Variants in DDAH1 observed in about 807,000 individuals in gnomAD.
The protein encoded by DDAH1 is dimethylarginine dimethylaminohydrolase 1.
DDAH1 carries 19 observed loss-of-function variants against 28.8 expected under a neutral mutation model. The observed-to-expected ratio is 0.66, with a 90% CI of 0.46 to 0.97. DDAH1 has a LOEUF of 0.97. Ranked by LOEUF, DDAH1 falls within the 50% of genes least tolerant of loss-of-function variation. DDAH1 has a pLI of 0.00. For synonymous variants in DDAH1, 153 were observed against 154.4 expected (o/e 0.99, Z 0.07); for missense variants, 326 against 375.9 (o/e 0.87, Z 1.10).
chr1:85,569,151 T>C (rs1384138447), intron 1 of DDAH1, among the ~76,000 whole-genome samples: 2 of 152,220 alleles, frequency 1.3e-5, no homozygotes, highest in African/African-American at 4.8e-5. Context: ...AGATCCACAT[T>C]GAAACCAAAG....
intron 2 of DDAH1, among the ~76,000 whole-genome samples, chr1:85,487,149 C>T (rs759168914): frequency 4.3e-4 from 66 of 152,208 alleles, no homozygotes; most frequent in Non-Finnish European, 8.1e-4. Context: ...ATCCTTTTCT[C>T]AGTAGTTGCT....
At chr1:85,458,827 G>A (rs573652736) in intron 1 of DDAH1, among the ~76,000 whole-genome samples, 81 of 152,208 alleles carry the variant, frequency 5.3e-4, no homozygotes, top group African/African-American at 1.9e-3. Flanking sequence ...TTCTGTATAA[G>A]ATATAAATGA....
intron 2 of DDAH1, among the ~76,000 whole-genome samples, chr1:85,478,978 T>C (rs891187929): frequency 5.9e-5 from 9 of 152,170 alleles, no homozygotes; most frequent in Non-Finnish European, 8.8e-5. Flanking sequence ...GTGAAACTAA[T>C]ACATGCTTTA....
chr1:85,534,979 A>C, intron 1 of DDAH1, among the ~76,000 whole-genome samples: 1 of 152,200 alleles, frequency 6.6e-6, no homozygotes, highest in East Asian at 1.9e-4. Context: ...AAAAAGAAGA[A>C]AAGGAGGTGG....
intron 1 of DDAH1, among the ~76,000 whole-genome samples, chr1:85,541,417 C>T (rs538395921): frequency 1.3e-5 from 2 of 152,284 alleles, no homozygotes; most frequent in South Asian, 2.1e-4. Flanking sequence ...TGCTGGAACC[C>T]TAAATATGTC....
At position 85,321,524 on chromosome 1, in the gene DDAH1, C is replaced by T. The variant is rs1397440289; in HGVS notation, c.786G>A (p.Met262Ile). Reference sequence around the variant, plus strand: ...GCCCATCCACCTTTTCCAGTTCAGACATGCTCACGGGGATCAGCATATGGT... The same window carrying T: ...GCCCATCCACCTTTTCCAGTTCAGATATGCTCACGGGGATCAGCATATGGT... ...LKDHMLIPVS[M>I]SELEKVDGLL... The change falls in exon 6 of 6, where the codon ATG becomes ATA. Residue 262 changes from methionine to isoleucine, a missense_variant. Coordinates refer to ENST00000284031, the MANE Select transcript of DDAH1 (RefSeq NM_012137.4). 5 of 1,614,060 alleles carry T rather than the reference C, an allele frequency of 3.1e-6. No individual in the cohort carries two copies. In the African/African-American group the frequency reaches 5.3e-5, roughly 17 times the overall value.
intron 1 of DDAH1, among the ~76,000 whole-genome samples, chr1:85,534,233 C>A (rs1158032809): frequency 6.6e-6 from 1 of 152,174 alleles, no homozygotes. Flanking sequence ...CATCTCACGT[C>A]AGTGCAGTAA....
chr1:85,428,599 T>G (rs1653524167), intron 1 of DDAH1, among the ~76,000 whole-genome samples: 1 of 151,852 alleles, frequency 6.6e-6, no homozygotes, highest in Admixed American at 6.6e-5. Context: ...TTAACAAGGG[T>G]AAGGTTGTTG....
At chr1:85,343,930 A>G (rs1332787826) in intron 4 of DDAH1, among the ~76,000 whole-genome samples, 1 of 152,262 alleles carries the variant, frequency 6.6e-6, no homozygotes, top group Non-Finnish European at 1.5e-5. Context: ...TAGTCATTCA[A>G]AAGAAAAACA....
intron 1 of DDAH1, among the ~76,000 whole-genome samples, chr1:85,402,804 G>A (rs897044585): frequency 1.3e-5 from 2 of 151,766 alleles, no homozygotes; most frequent in African/African-American, 4.8e-5. Flanking sequence ...AGCTACTTGG[G>A]AGGCTGAGAC....
intron 1 of DDAH1, among the ~76,000 whole-genome samples, chr1:85,553,747 G>C (rs1557755672): frequency 6.6e-6 from 1 of 152,200 alleles, no homozygotes; most frequent in African/African-American, 2.4e-5. Context: ...CAGCAATATT[G>C]GTGGTAGTGT....
At chr1:85,479,197 T>C (rs1146389) in intron 2 of DDAH1, among the ~76,000 whole-genome samples, 85,928 of 127,986 alleles carry the variant, frequency 0.67, 30,179 homozygotes, top group African/African-American at 0.88. Flanking sequence ...GACGGAGTCT[T>C]GCTCTGTCGC....
At chr1:85,545,606 G>T (rs1524002) in intron 1 of DDAH1, among the ~76,000 whole-genome samples, 2 of 152,124 alleles carry the variant, frequency 1.3e-5, no homozygotes, top group Non-Finnish European at 2.9e-5. Context: ...GTGTATATGA[G>T]AGGCAAATAT....
chr1:85,558,715 T>C (rs1366095308), intron 1 of DDAH1, among the ~76,000 whole-genome samples: 1 of 152,202 alleles, frequency 6.6e-6, no homozygotes, highest in Non-Finnish European at 1.5e-5. Flanking sequence ...ATATAAGTTA[T>C]ACTAAAATAA....
At chr1:85,426,921 C>CAAAAA (rs10680800) in intron 1 of DDAH1, among the ~76,000 whole-genome samples, 3 of 120,438 alleles carry the variant, frequency 2.5e-5, no homozygotes, top group Non-Finnish European at 3.3e-5. Context: ...TTAAAAAAAA[C>CAAAAA]AAAAAAAAAA....
chr1:85,334,648 C>G (rs976155223), intron 4 of DDAH1, among the ~76,000 whole-genome samples: 2 of 152,168 alleles, frequency 1.3e-5, no homozygotes, highest in African/African-American at 4.8e-5. Flanking sequence ...CTTCCTTACC[C>G]TTCCACCATG....
chr1:85,350,258 G>A (rs529520418), intron 4 of DDAH1, among the ~76,000 whole-genome samples, 157 bp downstream of exon 4: 1 of 152,052 alleles, frequency 6.6e-6, no homozygotes, highest in African/African-American at 2.4e-5. Context: ...GGCTTCTAAT[G>A]AATGTGAGGT....
At chr1:85,505,123 T>C (rs1164715208) in intron 1 of DDAH1, among the ~76,000 whole-genome samples, 1 of 151,750 alleles carries the variant, frequency 6.6e-6, no homozygotes, top group Admixed American at 6.6e-5. Flanking sequence ...GTAGCTGAGA[T>C]TATAGGCACA....
At chr1:85,551,654 C>A (rs1012822051) in intron 1 of DDAH1, among the ~76,000 whole-genome samples, 25 of 152,170 alleles carry the variant, frequency 1.6e-4, no homozygotes, top group African/African-American at 5.8e-4. Context: ...TCAGTCTAAT[C>A]CACAAAAATA....
Sources: allele counts gnomAD v4.1 joint callset (sites outside exome capture counted in the v4.1 genomes callset), GRCh38; gene constraint gnomAD v4.1.1; transcripts MANE v1.5; gene names NCBI Gene and HGNC (gene_info 2026-07-23, HGNC 2026-07-21).